Variants in MTRES1 observed in about 807,000 individuals in gnomAD.
MTRES1 encodes the protein uncharacterized protein C6orf203.
MTRES1 carries 11 observed loss-of-function variants against 17.4 expected under a neutral mutation model. The ratio of observed to expected loss-of-function variants is 0.63; its 90% CI spans 0.40 to 1.05. The LOEUF (loss-of-function observed/expected upper bound fraction) is 1.05, where lower values mean the gene tolerates loss of function less well. Among genes scored for constraint, MTRES1 ranks in the 50% least tolerant of loss-of-function variants. MTRES1 has a pLI of 0.00. For missense variants in MTRES1, 268 were observed against 276.2 expected (o/e 0.97, Z 0.21); for synonymous variants, 94 against 99.6 (o/e 0.94, Z 0.34).
At position 107,051,028 on chromosome 6, in the gene MTRES1, C is replaced by G. The variant is rs1019183147; in HGVS notation, c.544-29C>G. ...TTGGCCTGGATTTCCCGAAGTGTAA[C>G]CAAGCCTCTGTTTTCTTTTAATTTT... On this transcript the variant is annotated intron_variant, in intron 3 of 3. Coordinates refer to ENST00000311381, the MANE Select transcript of MTRES1 (RefSeq NM_016487.5). 3.2e-6 allele frequency: 5 copies of G among 1,546,788 alleles called. No individual in the cohort carries two copies. In the African/African-American group the frequency reaches 7.2e-5, roughly 22 times the overall value.
At chr6:107,040,377 A>G (rs1774161459) in intron 2 of MTRES1, 147 bp downstream of exon 2, 1 of 612,764 alleles carries the variant, frequency 1.6e-6, no homozygotes, top group Admixed American at 3.9e-5. Flanking sequence ...ATTTCATTTT[A>G]TAGATGAGCA....
intron 3 of MTRES1, among the ~76,000 whole-genome samples, chr6:107,048,618 A>G (rs1774477024): frequency 6.6e-6 from 1 of 151,344 alleles, no homozygotes; most frequent in Non-Finnish European, 1.5e-5. Context: ...TGTCTCTACT[A>G]AAAATACAAA....
At chr6:107,048,841 C>T (rs1554228775) in intron 3 of MTRES1, among the ~76,000 whole-genome samples, 1 of 151,820 alleles carries the variant, frequency 6.6e-6, no homozygotes, top group Non-Finnish European at 1.5e-5. Flanking sequence ...TGGAACCCCC[C>T]CACCCCTGCC....
At chr6:107,039,131 C>T (rs1774101781) in intron 1 of MTRES1, among the ~76,000 whole-genome samples, 1 of 151,976 alleles carries the variant, frequency 6.6e-6, no homozygotes, top group Admixed American at 6.6e-5. Flanking sequence ...GCAATCAGTA[C>T]CCAAAGCTAA....
At chr6:107,029,903 C>CCT (rs144664150) in intron 1 of MTRES1, 15,207 of 603,226 alleles carry the variant, frequency 0.025, 358 homozygotes, top group African/African-American at 0.085. Context: ...ACCTGCCTGA[C>CCT]CTCATCTTGC....
At chr6:107,049,022 G>A (rs1420681390) in intron 3 of MTRES1, among the ~76,000 whole-genome samples, 1 of 152,076 alleles carries the variant, frequency 6.6e-6, no homozygotes, top group Non-Finnish European at 1.5e-5. Flanking sequence ...GGATTGGCCA[G>A]TATACTGTTG....
At chr6:107,049,296 G>C (rs1554228834) in intron 3 of MTRES1, among the ~76,000 whole-genome samples, 2 of 152,050 alleles carry the variant, frequency 1.3e-5, no homozygotes, top group Non-Finnish European at 2.9e-5. Context: ...ACATGGGCTT[G>C]CTCACCCCCT....
At chr6:107,049,538 C>T (rs1413345311) in intron 3 of MTRES1, among the ~76,000 whole-genome samples, 5 of 151,274 alleles carry the variant, frequency 3.3e-5, no homozygotes, top group East Asian at 1.9e-4. Context: ...CTCAGCCTCC[C>T]GAGTAGCTAG....
chr6:107,040,374 T>C lies in MTRES1; in HGVS notation c.470+144T>C, dbSNP rs1036027067. 7.1e-5 allele frequency: 45 copies of C among 630,696 alleles called. No homozygotes were observed. In the African/African-American group the frequency reaches 7.7e-4, roughly 11 times the overall value. 39.1% of individuals were successfully genotyped at this position (630,696 alleles called of 1,614,324 possible). A position where few individuals can be genotyped will look rare whatever the true frequency, so the allele number is the denominator to read the frequency against. ...AGGTAACCTGTTTCAATTATTTCAT[T>C]TTATAGATGAGCAAACTGATTTCCA... On this transcript the variant is annotated intron_variant, in intron 2 of 3. Transcript: ENST00000311381.
intron 1 of MTRES1, among the ~76,000 whole-genome samples, chr6:107,031,631 A>G (rs1773846195): frequency 1.4e-5 from 2 of 143,490 alleles, no homozygotes; most frequent in African/African-American, 2.6e-5. Context: ...GAGACGTCTC[A>G]CTCTTGTTGT....
At chr6:107,046,930 T>TTG (rs67662472) in intron 3 of MTRES1, among the ~76,000 whole-genome samples, 2,735 of 32,748 alleles carry the variant, frequency 0.084, 54 homozygotes, top group Middle Eastern at 0.21. Flanking sequence ...GGATTCATTC[T>TTG]TGTGTGTGTG....
intron 3 of MTRES1, among the ~76,000 whole-genome samples, chr6:107,047,254 G>C (rs1190449626): frequency 6.6e-6 from 1 of 151,232 alleles, no homozygotes; most frequent in Non-Finnish European, 1.5e-5. Context: ...ACAGTGTCTT[G>C]CTCGGTTACC....
chr6:107,048,398 GGGATTACAGGTGTGAGCC>G (rs1774464240), intron 3 of MTRES1, among the ~76,000 whole-genome samples: 1 of 151,834 alleles, frequency 6.6e-6, no homozygotes. Context: ...CCAAAGTGCT[GGGATTACAGGTGTGAGCC>G]ACCACGCCTG....
At chr6:107,037,770 G>A (rs1774060356) in intron 1 of MTRES1, among the ~76,000 whole-genome samples, 1 of 152,108 alleles carries the variant, frequency 6.6e-6, no homozygotes, top group African/African-American at 2.4e-5. Context: ...CCAGGCTGGA[G>A]TGCAGTGGTG....
Position 107,047,211 on chromosome 6 carries a change from T to A in MTRES1, c.543+2879T>A, listed in dbSNP as rs138712823. On this transcript the variant is annotated intron_variant, in intron 3 of 3. Coordinates refer to ENST00000311381, the MANE Select transcript of MTRES1 (RefSeq NM_016487.5). Reference sequence around the variant, plus strand: ...ACAGAGTATCCTTTTCTTTGTATATTTTTTTTTTCTTTTTCTTTATTTTAT... The same window carrying A: ...ACAGAGTATCCTTTTCTTTGTATATATTTTTTTTCTTTTTCTTTATTTTAT... Among the ~76,000 whole-genome samples, 369 of 151,088 alleles carry A rather than the reference T, an allele frequency of 2.4e-3. 3 individuals carry two copies. The highest frequency in any genetic ancestry group is 5.2e-3 in the African/African-American group (213 of 41,208).
At chr6:107,031,820 C>T (rs968175200) in intron 1 of MTRES1, among the ~76,000 whole-genome samples, 5 of 152,034 alleles carry the variant, frequency 3.3e-5, no homozygotes, top group Admixed American at 6.6e-5. Context: ...AGGCTGGTCT[C>T]GAACTCCCGA....
chr6:107,041,182 G>A (rs1371274022), intron 2 of MTRES1, among the ~76,000 whole-genome samples: 44 of 148,316 alleles, frequency 3.0e-4, no homozygotes, highest in Non-Finnish European at 5.5e-4. Flanking sequence ...CCGAGATCAC[G>A]CCATTGCACT....
chr6:107,044,002 A>G (rs1774306998), intron 2 of MTRES1, among the ~76,000 whole-genome samples: 1 of 152,164 alleles, frequency 6.6e-6, no homozygotes, highest in Admixed American at 6.5e-5. Flanking sequence ...GTGTGCCTGT[A>G]GTCCCAGCTA....
At chr6:107,028,334 C>T (rs1481673823) in intron 1 of MTRES1, 63 bp downstream of exon 1, 1 of 152,478 alleles carries the variant, frequency 6.6e-6, no homozygotes, top group South Asian at 2.1e-4. Flanking sequence ...GTCACTTCGC[C>T]TCTCCGCCCC....
Sources: allele counts gnomAD v4.1 joint callset (sites outside exome capture counted in the v4.1 genomes callset), GRCh38; gene constraint gnomAD v4.1.1; transcripts MANE v1.5; gene names NCBI Gene and HGNC (gene_info 2026-07-23, HGNC 2026-07-21).